Variants in RNF145 observed in about 807,000 individuals in gnomAD.
RNF145 encodes ring finger protein 145.
A neutral mutation model predicts 57.3 loss-of-function variants in RNF145; 12 were observed. That is an observed-to-expected ratio of 0.21 (90% CI 0.13 to 0.34). The LOEUF (loss-of-function observed/expected upper bound fraction) is 0.34. RNF145 is among the 10% of genes least tolerant of loss of function. The pLI is 1.00. For synonymous variants in RNF145, 262 were observed against 288.3 expected, an observed-to-expected ratio of 0.91 and a Z score of 0.92; for missense variants, 429 against 799.0, an observed-to-expected ratio of 0.54 and a Z score of 5.58.
chr5:159,172,919 C>T (rs2113124350), intron 6 of RNF145, among the ~76,000 whole-genome samples: 1 of 152,238 alleles, frequency 6.6e-6, no homozygotes, highest in Non-Finnish European at 1.5e-5. Flanking sequence ...ATTTTCATCC[C>T]TACTTTTTAA....
intron 1 of RNF145, among the ~76,000 whole-genome samples, chr5:159,204,755 G>C (rs780928149): frequency 8.4e-6 from 1 of 119,410 alleles, no homozygotes; most frequent in Non-Finnish European, 1.6e-5. Context: ...AGTGAGCAGA[G>C]ATCACAATAC....
Position 159,169,684 on chromosome 5 carries a change from C to T in RNF145, c.933G>A (p.Met311Ile). 6.3e-7 allele frequency: 1 copy of T among 1,597,514 alleles called. No homozygotes were observed. Residue 311 changes from methionine (M) to isoleucine (I), a missense_variant, in exon 7 of 11, where the codon ATG becomes ATA. Physicochemically the swap from Met to Ile is conservative, Grantham distance 10. Coordinates refer to ENST00000424310, the MANE Select transcript of RNF145 (RefSeq NM_001199383.2). ...GYRAFMNDPA[M>I]NRGMTEGVTL... ...TAATCAAGGAAAGAACTTACCGATT[C>T]ATGGCAGGATCATTCATGAAAGCTC...
At position 159,158,432 on chromosome 5, in the gene RNF145, A is replaced by C. The variant is rs150395518; in HGVS notation, c.*238T>G. ...TGAATTTTCTTCACAAACCTCTATA[A>C]AACATCAGCAGAGAACATATAAATA... On this transcript the variant is annotated 3_prime_UTR_variant, in exon 11 of 11. Coordinates refer to ENST00000424310, the MANE Select transcript of RNF145 (RefSeq NM_001199383.2). 380 of 491,510 alleles carry C rather than the reference A, an allele frequency of 7.7e-4. 1 individual carries two copies. Among genetic ancestry groups the C allele is most frequent in the African/African-American group, 6.2e-3 (324 of 52,332 alleles). The allele number at this position is 491,510 out of a possible 1,614,324, so 30.4% of individuals were successfully genotyped here. A position where few individuals can be genotyped will look rare whatever the true frequency, so the allele number is the denominator to read the frequency against.
At chr5:159,171,646 CT>C (rs34846670) in intron 6 of RNF145, among the ~76,000 whole-genome samples, 3 of 151,652 alleles carry the variant, frequency 2.0e-5, no homozygotes, top group Admixed American at 6.6e-5. Context: ...CAAAAAAAAC[CT>C]TTTTTTTGAT....
intron 3 of RNF145, among the ~76,000 whole-genome samples, chr5:159,191,212 G>A (rs1158599802): frequency 6.6e-6 from 1 of 152,076 alleles, no homozygotes; most frequent in Non-Finnish European, 1.5e-5. Context: ...CAATTTCAAA[G>A]AAGTAACTTG....
Position 159,162,965 on chromosome 5 carries a change from G to C in RNF145, c.1236C>G (p.Ile412Met). The C allele has an allele frequency of 1.9e-6, 3 of 1,612,848 alleles. No individual in the cohort carries two copies. The highest frequency in any genetic ancestry group is 2.5e-6 in the Non-Finnish European group (3 of 1,179,604). The change falls in exon 9 of 11, where the codon ATC becomes ATG. Residue 412 changes from isoleucine (I) to methionine (M), a missense_variant. Physicochemically the swap from Ile to Met is conservative, Grantham distance 10. Around this residue, in one of 4 missense-constraint regions of RNF145, gnomAD observed 216 missense variants for 457.6 expected, o/e 0.47. Transcript: ENST00000424310. ...AGGTAAGAATGCTGCTGGAAATAATGATAAGAAGCCAAAAATCCATGTGGA... is the reference window on the plus strand; with the variant it reads ...AGGTAAGAATGCTGCTGGAAATAATCATAAGAAGCCAAAAATCCATGTGGA... ...QFFHMDFWLL[I>M]IISSSILTSL... is the part of the protein sequence containing the mutation.
chr5:159,187,553 G>A (rs1562065635), intron 3 of RNF145, among the ~76,000 whole-genome samples: 1 of 151,966 alleles, frequency 6.6e-6, no homozygotes, highest in South Asian at 2.1e-4. Context: ...GGTCTCGAAT[G>A]CCTGACCTTG....
rs527830793 is a variant in RNF145 at position 159,160,282 on chromosome 5, A to AAACC, written c.1626+980_1626+983dup. On this transcript the variant is annotated intron_variant, in intron 10 of 10. Transcript: ENST00000424310. The stretch of plus-strand genomic sequence containing the variant: ...TTACTCCTCAGACCCCTCAAATGCA[A>AAACC]AACCGCCTGGAGAACATTGTTTAGC... 3.2e-3 allele frequency among the ~76,000 whole-genome samples: 482 copies of AAACC among 152,322 alleles called. 3 individuals carry two copies. The highest frequency in any genetic ancestry group is 0.011 in the African/African-American group (458 of 41,566).
upstream of RNF145, chr5:159,209,698 T>G (rs998218145): frequency 7.9e-5 from 80 of 1,007,190 alleles, 1 homozygote; most frequent in Admixed American, 1.5e-3. Context: ...GCGGGAGACA[T>G]AAGCCTAGCC....
chr5:159,198,235 A>C (rs944254994), intron 2 of RNF145, among the ~76,000 whole-genome samples: 5 of 117,632 alleles, frequency 4.3e-5, no homozygotes, highest in African/African-American at 1.6e-4. Context: ...GTGAGACTCT[A>C]TCTCTAAATA....
intron 3 of RNF145, among the ~76,000 whole-genome samples, chr5:159,190,239 G>A (rs190830134): frequency 1.3e-5 from 2 of 152,116 alleles, no homozygotes; most frequent in African/African-American, 2.4e-5. Flanking sequence ...TCACCATGTT[G>A]CCCAGGCTGG....
chr5:159,183,998 G>C (rs1310690931), intron 3 of RNF145, among the ~76,000 whole-genome samples: 1 of 152,178 alleles, frequency 6.6e-6, no homozygotes, highest in Non-Finnish European at 1.5e-5. Flanking sequence ...TTTTACATTA[G>C]AAAAGGGAGA....
At chr5:159,169,872 A>G in intron 6 of RNF145, 53 bp from the exon 7 acceptor site, 1 of 1,477,464 alleles carries the variant, frequency 6.8e-7, no homozygotes, top group Non-Finnish European at 9.1e-7. Context: ...TTTGGAGTAA[A>G]CACATTTGAG....
chr5:159,164,196 T>C (rs1379663491), intron 8 of RNF145, among the ~76,000 whole-genome samples: 1 of 152,168 alleles, frequency 6.6e-6, no homozygotes. Flanking sequence ...TAAAGCTGCA[T>C]ACTTTGGAAA....
intron 2 of RNF145, among the ~76,000 whole-genome samples, chr5:159,195,711 A>C (rs1311239358): frequency 2.6e-5 from 4 of 152,152 alleles, no homozygotes; most frequent in African/African-American, 9.7e-5. Flanking sequence ...GTTTTTCTCT[A>C]TATATAAAGT....
intron 5 of RNF145, 98 bp from the exon 6 acceptor site, chr5:159,174,256 TC>T: frequency 1.3e-6 from 1 of 778,462 alleles, no homozygotes; most frequent in African/African-American, 1.8e-5. Flanking sequence ...AAATAGCTTT[TC>T]TTTGATTGCA....
chr5:159,160,520 T>C (rs1444243196), intron 10 of RNF145, among the ~76,000 whole-genome samples: 1 of 152,226 alleles, frequency 6.6e-6, no homozygotes, highest in Non-Finnish European at 1.5e-5. Flanking sequence ...TGAGTGACTT[T>C]AAAAATGGGA....
chr5:159,209,565 C>A, upstream of RNF145: 6 of 1,000,070 alleles, frequency 6.0e-6, no homozygotes, highest in South Asian at 4.5e-5. Flanking sequence ...GCGGCCGCGG[C>A]CCGACTTCCG....
chr5:159,173,835 AGGTATCCAGTG>A, intron 6 of RNF145, 137 bp downstream of exon 6: 1 of 545,492 alleles, frequency 1.8e-6, no homozygotes. Context: ...TGCCAAACCT[AGGTATCCAGTG>A]AATGAAAATC....
Sources: gnomAD v4.1 joint callset for allele counts (sites outside exome capture counted in the v4.1 genomes callset) on GRCh38, gnomAD v4.1.1 for gene constraint, gnomAD v4.1.1 regional missense constraint, MANE v1.5 for transcripts, NCBI Gene and HGNC (gene_info 2026-07-23, HGNC 2026-07-21) for gene names.